Variants in MAP2K1 observed in about 807,000 individuals in gnomAD.
MAP2K1 encodes dual specificity mitogen-activated protein kinase kinase 1.
MAP2K1 carries 16 observed loss-of-function variants against 46.3 expected under a neutral mutation model. The observed-to-expected ratio is 0.35, with a 90% CI of 0.23 to 0.52. MAP2K1 has a LOEUF of 0.52. MAP2K1 is among the 20% of genes least tolerant of loss of function. The pLI is 0.94. For missense variants in MAP2K1, 263 were observed against 497.1 expected, an observed-to-expected ratio of 0.53 and a Z score of 4.48; for synonymous variants, 183 against 185.6, an observed-to-expected ratio of 0.99 and a Z score of 0.11.
At chr15:66,453,609 T>G in intron 5 of MAP2K1, 1 of 701,640 alleles carries the variant, frequency 1.4e-6, no homozygotes, top group Non-Finnish European at 2.6e-6. Flanking sequence ...TCCTTGTCCC[T>G]GCCTATGGGC....
intron 1 of MAP2K1, among the ~76,000 whole-genome samples, chr15:66,432,027 G>A (rs958643882): frequency 2.0e-5 from 3 of 152,142 alleles, no homozygotes; most frequent in Admixed American, 6.6e-5. Flanking sequence ...ACGTGATCTC[G>A]TTCCTTTTTA....
chr15:66,471,177 C>T lies in MAP2K1; in HGVS notation c.569-10578C>T, dbSNP rs143481698. Reference sequence around the variant, plus strand: ...CCTTTAGCTTAGTGATTTCTGGGGCCCCAAGATTTATTTTCCTTTCACAGG... The same window carrying T: ...CCTTTAGCTTAGTGATTTCTGGGGCTCCAAGATTTATTTTCCTTTCACAGG... On this transcript the variant is annotated intron_variant, in intron 5 of 10. Transcript: ENST00000307102. Among the ~76,000 whole-genome samples the T allele has an allele frequency of 2.5e-3, 376 of 152,192 alleles. 3 individuals carry two copies. The highest frequency in any genetic ancestry group is 0.01 in the Middle Eastern group (3 of 294).
intron 5 of MAP2K1, among the ~76,000 whole-genome samples, chr15:66,459,616 TC>T (rs1396044872): frequency 4.2e-5 from 2 of 48,102 alleles, no homozygotes; most frequent in East Asian, 6.6e-4. Flanking sequence ...AGACACCATC[TC>T]AAAAAAAAAA....
chr15:66,428,441 A>G (rs2093465735), intron 1 of MAP2K1, among the ~76,000 whole-genome samples: 1 of 152,084 alleles, frequency 6.6e-6, no homozygotes, highest in South Asian at 2.1e-4. Flanking sequence ...GTAGGGTTGC[A>G]TGCGGTTCAA....
At chr15:66,407,784 G>A (rs1289952660) in intron 1 of MAP2K1, among the ~76,000 whole-genome samples, 1 of 152,206 alleles carries the variant, frequency 6.6e-6, no homozygotes, top group Non-Finnish European at 1.5e-5. Context: ...TGAGGCTGCA[G>A]CGAGCTGTGG....
At position 66,392,255 on chromosome 15, in the gene MAP2K1, GTT is replaced by G. The variant is rs58831070; in HGVS notation, c.80+4851_80+4852del. On this transcript the variant is annotated intron_variant, in intron 1 of 10. Transcript: ENST00000307102. ...ACGAATATTTGTGTGTTTTTTTTGG[GTT>G]TTTTTTTTTTTTTTTTTTTTTTAAG... Among the ~76,000 whole-genome samples the G allele has an allele frequency of 3.2e-3, 310 of 97,768 alleles. 3 individuals carry two copies. The highest frequency in any genetic ancestry group is 0.013 in the African/African-American group (296 of 22,058). The allele number at this position is 97,768 out of a possible 152,430, so 64.1% of individuals were successfully genotyped here.
intron 5 of MAP2K1, among the ~76,000 whole-genome samples, chr15:66,461,684 G>A (rs1251615678): frequency 6.6e-6 from 1 of 152,036 alleles, no homozygotes; most frequent in Non-Finnish European, 1.5e-5. Flanking sequence ...ACCCTGTGAA[G>A]TGCGTGCAGG....
At chr15:66,399,581 A>G (rs759760631) in intron 1 of MAP2K1, among the ~76,000 whole-genome samples, 56 of 151,708 alleles carry the variant, frequency 3.7e-4, no homozygotes, top group Non-Finnish European at 5.4e-4. Flanking sequence ...TCCACTTCCC[A>G]GTACCCGGGA....
chr15:66,443,491 A>T, intron 4 of MAP2K1, 134 bp downstream of exon 4: 1 of 684,588 alleles, frequency 1.5e-6, no homozygotes, highest in Non-Finnish European at 2.7e-6. Context: ...TTCTCACTAG[A>T]CTCTTCCCTG....
At chr15:66,404,720 G>A (rs1025453) in intron 1 of MAP2K1, among the ~76,000 whole-genome samples, 137,300 of 152,158 alleles carry the variant, frequency 0.9, 63,606 homozygotes, top group East Asian at 1. Flanking sequence ...TTGATATGCA[G>A]TCCCTGGGAA....
intron 1 of MAP2K1, among the ~76,000 whole-genome samples, chr15:66,421,008 C>CAT (rs1221512810): frequency 1.7e-4 from 1 of 6,032 alleles, no homozygotes; most frequent in Non-Finnish European, 1.8e-3. Context: ...TATACACGTG[C>CAT]ATATATATAC....
intron 1 of MAP2K1, among the ~76,000 whole-genome samples, chr15:66,416,579 T>A (rs1267012731): frequency 6.6e-6 from 1 of 152,200 alleles, no homozygotes; most frequent in Non-Finnish European, 1.5e-5. Context: ...ATTGGAGCAC[T>A]CCCCGAGGTT....
intron 5 of MAP2K1, among the ~76,000 whole-genome samples, chr15:66,469,707 C>CACACACACACACACACACACACACACAT (rs1892569746): frequency 7.0e-6 from 1 of 141,870 alleles, no homozygotes; most frequent in Non-Finnish European, 1.5e-5. Flanking sequence ...CACACACACA[C>CACACACACACACACACACACACACACAT]ACACACACAC....
chr15:66,387,334 T>C lies in MAP2K1; in HGVS notation c.-14T>C. On this transcript the variant is annotated 5_prime_UTR_variant, in exon 1 of 11. Coordinates refer to ENST00000307102, the MANE Select transcript of MAP2K1 (RefSeq NM_002755.4). ...CCTCCCCCCGGAGTTGGAAGCGCGT[T>C]ACCCGGGTCCAAAATGCCCAAGAAG... 2 of 1,554,584 alleles carry C rather than the reference T, an allele frequency of 1.3e-6. No individual in the cohort carries two copies. The highest frequency in any genetic ancestry group is 1.7e-6 in the Non-Finnish European group (2 of 1,148,302).
chr15:66,449,003 CA>C (rs59398424), intron 5 of MAP2K1, among the ~76,000 whole-genome samples: 3,660 of 47,786 alleles, frequency 0.077, 17 homozygotes, highest in Middle Eastern at 0.15. Context: ...GACACTGTCT[CA>C]AAAAAAAAAA....
Position 66,485,103 on chromosome 15 carries a change from G to A in MAP2K1, c.807G>A (p.Lys269=), listed in dbSNP as rs1444613968. The change falls in exon 7 of 11, where the codon AAG becomes AAA. Residue 269 remains lysine (K), a synonymous_variant. Transcript: ENST00000307102. Reference sequence around the variant, plus strand: ...ATCCCATCCCTCCTCCAGATGCCAAGGAGCTGGAGCTGATGTTTGGGTGCC... The same window carrying A: ...ATCCCATCCCTCCTCCAGATGCCAAAGAGCTGGAGCTGATGTTTGGGTGCC... ...GRYPIPPPDA[K]ELELMFGCQV... The A allele has an allele frequency of 6.2e-7, 1 of 1,614,080 alleles. No homozygotes were observed. Among genetic ancestry groups the A allele is most frequent in the Non-Finnish European group, 8.5e-7 (1 of 1,180,034 alleles).
chr15:66,483,445 C>T (rs1464608710), intron 6 of MAP2K1, among the ~76,000 whole-genome samples: 6 of 152,098 alleles, frequency 3.9e-5, no homozygotes, highest in Admixed American at 3.9e-4. Context: ...ATTAACAGGC[C>T]CTGGGAGTTA....
chr15:66,455,164 A>G (rs1892135004), intron 5 of MAP2K1, among the ~76,000 whole-genome samples: 1 of 152,208 alleles, frequency 6.6e-6, no homozygotes, highest in African/African-American at 2.4e-5. Flanking sequence ...CACCACAGTC[A>G]TGCAGATATC....
intron 1 of MAP2K1, among the ~76,000 whole-genome samples, chr15:66,397,670 A>G (rs1159466246): frequency 2.6e-5 from 4 of 152,212 alleles, no homozygotes; most frequent in African/African-American, 9.7e-5. Context: ...CCAAACCTAC[A>G]TCTAATCAAG....
Sources: allele counts gnomAD v4.1 joint callset (sites outside exome capture counted in the v4.1 genomes callset), GRCh38; gene constraint gnomAD v4.1.1; transcripts MANE v1.5; gene names NCBI Gene and HGNC (gene_info 2026-07-23, HGNC 2026-07-21).